Variants in MARCHF11 observed in about 807,000 individuals in gnomAD.
MARCHF11 encodes the protein membrane associated ring-CH-type finger 11, also known as E3 ubiquitin-protein ligase MARCHF11.
Under a neutral mutation model 37.3 loss-of-function variants are expected in MARCHF11, and 29 were observed. That is an observed-to-expected ratio of 0.78 (90% CI 0.58 to 1.06). MARCHF11 has a LOEUF of 1.06. Ranked by LOEUF, MARCHF11 falls within the 50% of genes least tolerant of loss-of-function variation. The pLI is 0.00. For missense variants in MARCHF11, 482 were observed against 533.4 expected (o/e 0.90, Z 0.95); for synonymous variants, 233 against 228.0 (o/e 1.02, Z -0.20).
intron 2 of MARCHF11, among the ~76,000 whole-genome samples, chr5:16,151,004 T>C (rs1737879464): frequency 6.6e-6 from 1 of 152,034 alleles, no homozygotes; most frequent in Non-Finnish European, 1.5e-5. Flanking sequence ...CCCAGTTAAA[T>C]TTTAATTGCA....
At chr5:16,177,116 A>T (rs1222092833) in intron 2 of MARCHF11, among the ~76,000 whole-genome samples, 1 of 152,210 alleles carries the variant, frequency 6.6e-6, no homozygotes, top group Non-Finnish European at 1.5e-5. Context: ...TAAGAATACT[A>T]GTTCAGTAGT....
chr5:16,174,965 A>G (rs1218157091), intron 2 of MARCHF11, among the ~76,000 whole-genome samples: 1 of 152,200 alleles, frequency 6.6e-6, no homozygotes, highest in East Asian at 1.9e-4. Context: ...TTCCAAGGCT[A>G]TGCCTTAAGA....
At chr5:16,174,495 A>C (rs1223521907) in intron 2 of MARCHF11, among the ~76,000 whole-genome samples, 1 of 152,246 alleles carries the variant, frequency 6.6e-6, no homozygotes, top group East Asian at 1.9e-4. Flanking sequence ...GAGAAAAACA[A>C]GTGAAACTAA....
At chr5:16,077,181 G>A (rs1736535387) in intron 3 of MARCHF11, among the ~76,000 whole-genome samples, 1 of 152,076 alleles carries the variant, frequency 6.6e-6, no homozygotes, top group Admixed American at 6.6e-5. Flanking sequence ...AATTGCTTTG[G>A]TAGATTTCCA....
chr5:16,106,769 G>A (rs1006801081), intron 2 of MARCHF11, among the ~76,000 whole-genome samples: 4 of 152,146 alleles, frequency 2.6e-5, no homozygotes, highest in African/African-American at 4.8e-5. Context: ...AACATCCTAC[G>A]ATGGACAGGA....
chr5:16,086,747 G>A lies in MARCHF11; in HGVS notation c.886+4142C>T, dbSNP rs11960453. On this transcript the variant is annotated intron_variant, in intron 3 of 3. Transcript: ENST00000332432. The stretch of plus-strand genomic sequence containing the variant: ...GATGCAAGTTAATCAAATAAATCCT[G>A]TCATCACATGGCCCTCTTCTGGTCC... Among the ~76,000 whole-genome samples, 779 of 152,270 alleles carry A rather than the reference G, an allele frequency of 5.1e-3. 6 individuals are homozygous for A. Among genetic ancestry groups the A allele is most frequent in the African/African-American group, 0.017 (724 of 41,540 alleles).
At chr5:16,099,695 G>A (rs987986237) in intron 2 of MARCHF11, among the ~76,000 whole-genome samples, 45 of 152,232 alleles carry the variant, frequency 3.0e-4, no homozygotes, top group African/African-American at 1.1e-3. Context: ...AAAATTGTTG[G>A]TTGCTATTTC....
intron 2 of MARCHF11, among the ~76,000 whole-genome samples, chr5:16,106,177 A>C (rs1388924616): frequency 1.3e-5 from 2 of 152,150 alleles, no homozygotes; most frequent in African/African-American, 2.4e-5. Context: ...GTCTGACATG[A>C]GACCTTCCAG....
intron 2 of MARCHF11, among the ~76,000 whole-genome samples, chr5:16,142,778 G>A (rs10038756): frequency 0.022 from 2,951 of 136,588 alleles, 96 homozygotes; most frequent in African/African-American, 0.077. Context: ...CGCAACCTCC[G>A]ACTCCCAGGT....
At chr5:16,133,618 C>T (rs1362010432) in intron 2 of MARCHF11, among the ~76,000 whole-genome samples, 4 of 151,930 alleles carry the variant, frequency 2.6e-5, no homozygotes, top group Non-Finnish European at 5.9e-5. Flanking sequence ...ATGTTACATG[C>T]ACATGCTCTT....
chr5:16,069,392 A>C (rs1170386359), intron 3 of MARCHF11, among the ~76,000 whole-genome samples: 1 of 152,184 alleles, frequency 6.6e-6, no homozygotes, highest in Non-Finnish European at 1.5e-5. Flanking sequence ...AAGTGGCTTC[A>C]AAGAGGGTTT....
chr5:16,176,453 G>A (rs1483676072), intron 2 of MARCHF11, among the ~76,000 whole-genome samples: 2 of 152,132 alleles, frequency 1.3e-5, no homozygotes, highest in African/African-American at 2.4e-5. Context: ...TTCAATCAGA[G>A]GTTCTTGGAA....
chr5:16,127,658 C>T lies in MARCHF11; in HGVS notation c.694-36577G>A, dbSNP rs543674828. Among the ~76,000 whole-genome samples, 4 of 152,288 alleles carry T rather than the reference C, an allele frequency of 2.6e-5. No individual in the cohort carries two copies. In the South Asian group the frequency reaches 8.3e-4, roughly 32 times the overall value. ...TGTTCCCCAGCAGGGAGGGACCGTC[C>T]TAACTGTAGTGAGGCATCTGCTTTG... On this transcript the variant is annotated intron_variant, in intron 2 of 3. Coordinates refer to ENST00000332432, the MANE Select transcript of MARCHF11 (RefSeq NM_001102562.3).
intron 2 of MARCHF11, among the ~76,000 whole-genome samples, chr5:16,105,954 C>T (rs749680845): frequency 5.3e-5 from 8 of 151,952 alleles, no homozygotes; most frequent in East Asian, 1.9e-4. Flanking sequence ...TACCTTCAAA[C>T]GGCTCACAAT....
At chr5:16,109,316 C>T (rs911763182) in intron 2 of MARCHF11, among the ~76,000 whole-genome samples, 9 of 152,082 alleles carry the variant, frequency 5.9e-5, no homozygotes, top group Non-Finnish European at 1.3e-4. Flanking sequence ...GTTTTTAGCC[C>T]CGCTTCCTGA....
At chr5:16,077,361 A>T (rs1278116751) in intron 3 of MARCHF11, among the ~76,000 whole-genome samples, 3 of 152,150 alleles carry the variant, frequency 2.0e-5, no homozygotes, top group Non-Finnish European at 4.4e-5. Flanking sequence ...AACTCACAAA[A>T]AAAAACGATT....
chr5:16,106,955 T>C (rs1439693399), intron 2 of MARCHF11, among the ~76,000 whole-genome samples: 2 of 152,158 alleles, frequency 1.3e-5, no homozygotes, highest in East Asian at 3.9e-4. Context: ...TAATCTTTCT[T>C]GTCAGTTCAA....
At chr5:16,141,574 G>A (rs895000206) in intron 2 of MARCHF11, 2 of 152,174 alleles carry the variant, frequency 1.3e-5, no homozygotes, top group African/African-American at 2.4e-5. Context: ...TTGGAAGAAC[G>A]ATGTCCTTGG....
chr5:16,121,294 A>G (rs1737305440), intron 2 of MARCHF11, among the ~76,000 whole-genome samples: 1 of 152,182 alleles, frequency 6.6e-6, no homozygotes, highest in Non-Finnish European at 1.5e-5. Flanking sequence ...GTGACGTACT[A>G]TATTTACTAT....
Sources: gnomAD v4.1 joint callset for allele counts (sites outside exome capture counted in the v4.1 genomes callset) on GRCh38, gnomAD v4.1.1 for gene constraint, MANE v1.5 for transcripts, NCBI Gene and HGNC (gene_info 2026-07-23, HGNC 2026-07-21) for gene names.